OPRM1: variants seen among roughly 807,000 people sequenced by gnomAD.
OPRM1 encodes mu-type opioid receptor.
A neutral mutation model predicts 31.8 loss-of-function variants in OPRM1; 27 were observed. The observed-to-expected ratio is 0.85, with a 90% confidence interval of 0.63 to 1.17. The LOEUF is 1.17. Ranked by LOEUF, OPRM1 falls within the 50% of genes most tolerant of loss-of-function variation. OPRM1 has a pLI of 0.00. For missense variants in OPRM1, 536 were observed against 511.1 expected, an observed-to-expected ratio of 1.05 and a Z score of -0.47; for synonymous variants, 196 against 189.9, an observed-to-expected ratio of 1.03 and a Z score of -0.26.
At chr6:154,147,510 A>G (rs898568710) in intron 3 of OPRM1, among the ~76,000 whole-genome samples, 4 of 152,154 alleles carry the variant, frequency 2.6e-5, no homozygotes, top group African/African-American at 9.7e-5. Context: ...TGTTCACCAT[A>G]TACTTATCAG....
intron 3 of OPRM1, among the ~76,000 whole-genome samples, chr6:154,153,680 A>G (rs920199752): frequency 2.1e-5 from 3 of 146,268 alleles, no homozygotes; most frequent in Admixed American, 6.7e-5. Flanking sequence ...GTGAAACTCT[A>G]TCTCAAAAAA....
At chr6:154,013,670 G>C (rs1777849104) in intron 1 of OPRM1, among the ~76,000 whole-genome samples, 1 of 152,130 alleles carries the variant, frequency 6.6e-6, no homozygotes, top group African/African-American at 2.4e-5. Flanking sequence ...CGTATTTATT[G>C]CTCATGTGTC....
intron 3 of OPRM1, among the ~76,000 whole-genome samples, chr6:154,222,687 T>C (rs1778961420): frequency 6.6e-6 from 1 of 152,180 alleles, no homozygotes; most frequent in Non-Finnish European, 1.5e-5. Flanking sequence ...CTCAAATCTT[T>C]TGGATTTCAA....
rs523731 is a variant in OPRM1 at position 154,127,002 on chromosome 6, G to A, written c.*8281G>A. On this transcript the variant is annotated 3_prime_UTR_variant, in exon 4 of 4. Transcript: ENST00000330432. ...TGCACGCCTGTAATCCCAGCTAGTC[G>A]GGAGGCTGAGGCAGGAGAATTGCTT... Among the ~76,000 whole-genome samples the A allele has an allele frequency of 0.21, 32,097 of 151,816 alleles. 3,560 individuals carry two copies. Among genetic ancestry groups the A allele is most frequent in the Non-Finnish European group, 0.25 (17,030 of 67,908 alleles).
At chr6:154,099,958 A>G (rs1394614693) in intron 3 of OPRM1, among the ~76,000 whole-genome samples, 1 of 141,858 alleles carries the variant, frequency 7.0e-6, no homozygotes, top group African/African-American at 2.6e-5. Context: ...TAACATATAT[A>G]TTATCATATT....
intron 3 of OPRM1, among the ~76,000 whole-genome samples, chr6:154,167,608 G>C (rs1799543235): frequency 6.6e-6 from 1 of 152,220 alleles, no homozygotes; most frequent in Admixed American, 6.5e-5. Flanking sequence ...CAGGTACTGT[G>C]CTAGGTATAA....
At chr6:154,158,457 G>T (rs1232963718) in intron 3 of OPRM1, 1 of 152,154 alleles carries the variant, frequency 6.6e-6, no homozygotes, top group African/African-American at 2.4e-5. Flanking sequence ...AGGTTTGCAG[G>T]CATAAATGGC....
intron 3 of OPRM1, among the ~76,000 whole-genome samples, chr6:154,239,547 A>C (rs962795954): frequency 6.6e-6 from 1 of 152,176 alleles, no homozygotes; most frequent in Non-Finnish European, 1.5e-5. Context: ...TCTTGCGGTA[A>C]ACCGGTCACC....
chr6:154,039,428 A>G lies in OPRM1; in HGVS notation c.-117A>G. 6.4e-7 allele frequency: 1 copy of G among 1,551,266 alleles called. No individual in the cohort carries two copies. The highest frequency in any genetic ancestry group is 1.2e-5 in the South Asian group (1 of 84,008). ...TGTCTCAGCCAGGACTGGTTTCTGT[A>G]AGAAACAGCAGGAGCTGTGGCAGCG... On this transcript the variant is annotated 5_prime_UTR_variant, in exon 1 of 4. Transcript: ENST00000330432.
rs937906502 is a variant in OPRM1, at chr6:154,039,774, A to G, written c.230A>G (p.Tyr77Cys). ...ACGGCCATCACGATCATGGCCCTCT[A>G]CTCCATCGTGTGCGTGGTGGGGCTC... is the stretch of plus-strand genomic sequence containing the variant. Reference protein sequence around the residue: ...MITAITIMALYSIVCVVGLFG... With the variant: ...MITAITIMALCSIVCVVGLFG... The change falls in exon 1 of 4, where the codon TAC becomes TGC. Residue 77 changes from tyrosine to cysteine, a missense_variant. Physicochemically the swap from Tyr to Cys is radical, Grantham distance 194. Coordinates refer to ENST00000330432, the MANE Select transcript of OPRM1 (RefSeq NM_000914.5). 2 of 1,602,298 alleles carry G rather than the reference A, an allele frequency of 1.2e-6. No individual in the cohort carries two copies. Among genetic ancestry groups the G allele is most frequent in the South Asian group, 2.2e-5 (2 of 90,906 alleles).
chr6:154,217,137 G>T, intron 3 of OPRM1: 1 of 165,266 alleles, frequency 6.1e-6, no homozygotes, highest in East Asian at 1.6e-4. Context: ...GGAGTTGGTA[G>T]GTATGCACAG....
upstream of OPRM1, among the ~76,000 whole-genome samples, chr6:154,037,879 C>T (rs1779410144): frequency 6.6e-6 from 1 of 152,094 alleles, no homozygotes; most frequent in Non-Finnish European, 1.5e-5. Flanking sequence ...TATACTGTGT[C>T]TTGTCTTCCA....
chr6:154,164,057 C>T (rs1489448456), intron 3 of OPRM1, among the ~76,000 whole-genome samples: 4 of 152,146 alleles, frequency 2.6e-5, no homozygotes, highest in Middle Eastern at 3.2e-3. Flanking sequence ...AAGCTTTCTT[C>T]CTCTGATATC....
intron 3 of OPRM1, among the ~76,000 whole-genome samples, chr6:154,222,802 G>A (rs1287467775): frequency 6.6e-6 from 1 of 152,182 alleles, no homozygotes; most frequent in Non-Finnish European, 1.5e-5. Flanking sequence ...GGTCTTGCTG[G>A]CGTATCTGCA....
intron 3 of OPRM1, among the ~76,000 whole-genome samples, chr6:154,192,928 C>G (rs1167229209): frequency 6.6e-6 from 1 of 152,122 alleles, no homozygotes; most frequent in Non-Finnish European, 1.5e-5. Flanking sequence ...GGAATGTAAA[C>G]TAGGACAACC....
At chr6:154,212,848 G>A (rs945154090) in intron 3 of OPRM1, 7 of 1,608,644 alleles carry the variant, frequency 4.4e-6, no homozygotes, top group Non-Finnish European at 6.0e-6. Flanking sequence ...CACTTTCACT[G>A]TAACATTCTA....
chr6:154,071,479 C>T (rs1032341728), intron 1 of OPRM1, among the ~76,000 whole-genome samples: 1 of 152,028 alleles, frequency 6.6e-6, no homozygotes, highest in East Asian at 1.9e-4. Flanking sequence ...AAGCCTGATC[C>T]TCATTTGTTA....
At chr6:154,147,555 G>A (rs894175212) in intron 3 of OPRM1, among the ~76,000 whole-genome samples, 1 of 152,188 alleles carries the variant, frequency 6.6e-6, no homozygotes, top group African/African-American at 2.4e-5. Flanking sequence ...ATAACTGAGT[G>A]TGAGCATAGG....
chr6:154,194,037 C>T (rs1020713485), intron 3 of OPRM1, among the ~76,000 whole-genome samples: 1 of 152,220 alleles, frequency 6.6e-6, no homozygotes, highest in Non-Finnish European at 1.5e-5. Flanking sequence ...TGACCATGAG[C>T]AGTGGTACAC....
Sources: allele counts gnomAD v4.1 joint callset (sites outside exome capture counted in the v4.1 genomes callset), GRCh38; gene constraint gnomAD v4.1.1; transcripts MANE v1.5; gene names NCBI Gene and HGNC (gene_info 2026-07-23, HGNC 2026-07-21).